The following SP140 variants were observed in gnomAD, a reference collection of about 807,000 sequenced individuals.
SP140 encodes nuclear body protein SP140.
A neutral mutation model predicts 125.0 loss-of-function variants in SP140; 81 were observed. That is an observed-to-expected ratio of 0.65 (90% CI 0.54 to 0.78). SP140 has a LOEUF of 0.78. Ranked by LOEUF, SP140 falls within the 30% of genes least tolerant of loss-of-function variation. The probability of loss-of-function intolerance (pLI) is 0.00; values close to 1 mark genes in which losing one functional copy is unlikely to be tolerated. For synonymous variants in SP140, 312 were observed against 354.0 expected (o/e 0.88, Z 1.33); for missense variants, 858 against 1,037.0 (o/e 0.83, Z 2.37).
intron 18 of SP140, among the ~76,000 whole-genome samples, chr2:230,288,575 A>G (rs1423618076): frequency 6.7e-6 from 1 of 150,148 alleles, no homozygotes; most frequent in Non-Finnish European, 1.5e-5. Flanking sequence ...AGGTTCTACA[A>G]CCCATCATCT....
intron 26 of SP140, among the ~76,000 whole-genome samples, chr2:230,311,933 C>T (rs557317388): frequency 5.9e-5 from 9 of 152,204 alleles, no homozygotes; most frequent in Non-Finnish European, 1.3e-4. Context: ...TTCTTATCTG[C>T]TCCCAATCCC....
upstream of SP140, chr2:230,201,099 C>A: frequency 1.3e-6 from 1 of 751,052 alleles, no homozygotes; most frequent in Non-Finnish European, 2.4e-6. Context: ...AACAATGCAT[C>A]TACCAAGAGA....
At position 230,206,731 on chromosome 2, in the gene SP140, G is replaced by A. The variant is rs146124907; in HGVS notation, c.-323+3452G>A. On this transcript the variant is annotated intron_variant, in intron 1 of 4. Coordinates refer to the SP140 transcript ENST00000456542. The stretch of plus-strand genomic sequence containing the variant: ...TGTTCCTGTAAAAAGCCCTAGTCCC[G>A]GAGACACAGAAATGTATGCAATATA... Among the ~76,000 whole-genome samples the A allele has an allele frequency of 3.2e-3, 483 of 148,844 alleles. 3 individuals carry two copies. The highest frequency in any genetic ancestry group is 0.014 in the Middle Eastern group (4 of 284).
chr2:230,192,616 T>C, the SP140 span, among the ~76,000 whole-genome samples: 2 of 152,006 alleles, frequency 1.3e-5, no homozygotes, highest in Non-Finnish European at 2.9e-5. Flanking sequence ...TACAAACCAC[T>C]CCTCAAGGAA....
At chr2:230,294,176 A>G in intron 20 of SP140, 95 bp from the exon 21 acceptor site, 2 of 945,278 alleles carry the variant, frequency 2.1e-6, no homozygotes, top group Middle Eastern at 2.1e-4. Context: ...GCAGTGGAAC[A>G]CTCAGGTAGA....
chr2:230,286,486 G>A (rs1225584539), intron 17 of SP140, among the ~76,000 whole-genome samples: 1 of 152,192 alleles, frequency 6.6e-6, no homozygotes, highest in South Asian at 2.1e-4. Flanking sequence ...TCAGAGTGTG[G>A]AAGTGTCTTG....
At chr2:230,187,288 A>G in the SP140 span, among the ~76,000 whole-genome samples, 1 of 152,140 alleles carries the variant, frequency 6.6e-6, no homozygotes, top group South Asian at 2.1e-4. Context: ...TTTCTTGGCC[A>G]TTTGAATATC....
chr2:230,229,916 C>T (rs1442367600), intron 1 of SP140, among the ~76,000 whole-genome samples: 1 of 151,272 alleles, frequency 6.6e-6, no homozygotes, highest in African/African-American at 2.4e-5. Context: ...TATCCTTGTT[C>T]TTTCACAGGT....
At chr2:230,255,257 A>G (rs2050978645) in intron 11 of SP140, among the ~76,000 whole-genome samples, 195 bp from the exon 12 acceptor site, 1 of 152,186 alleles carries the variant, frequency 6.6e-6, no homozygotes, top group Non-Finnish European at 1.5e-5. Flanking sequence ...GATGGTTCTC[A>G]GCCTTGGTGG....
intron 3 of SP140, among the ~76,000 whole-genome samples, chr2:230,240,543 T>C (rs1170839180): frequency 6.6e-6 from 1 of 151,914 alleles, no homozygotes; most frequent in Non-Finnish European, 1.5e-5. Context: ...ATATAAAATG[T>C]CCAGCAAGAA....
chr2:230,205,628 A>G (rs1428099151), intron 1 of SP140, among the ~76,000 whole-genome samples: 1 of 152,136 alleles, frequency 6.6e-6, no homozygotes, highest in Non-Finnish European at 1.5e-5. Context: ...AGCTTTCAGA[A>G]TGGGTATATA....
chr2:230,294,119 T>G, intron 20 of SP140, 152 bp from the exon 21 acceptor site: 1 of 644,390 alleles, frequency 1.6e-6, no homozygotes, highest in South Asian at 1.9e-5. Context: ...GAAGCACAGG[T>G]GAAGACAGGG....
chr2:230,286,720 A>G (rs187870818), intron 17 of SP140, among the ~76,000 whole-genome samples: 1 of 152,306 alleles, frequency 6.6e-6, no homozygotes, highest in South Asian at 2.1e-4. Context: ...TTCTAAGGTT[A>G]CATATGTGGC....
chr2:230,296,749 T>A (rs908689048), intron 21 of SP140, among the ~76,000 whole-genome samples: 11 of 152,008 alleles, frequency 7.2e-5, no homozygotes, highest in Admixed American at 2.6e-4. Flanking sequence ...TTATTGAGGC[T>A]CCTCTGGGTG....
At chr2:230,308,677 A>C (rs1171242105) in intron 22 of SP140, among the ~76,000 whole-genome samples, 1 of 152,238 alleles carries the variant, frequency 6.6e-6, no homozygotes, top group Admixed American at 6.5e-5. Context: ...GCTTGTTTGA[A>C]TAATTCCATG....
At chr2:230,212,310 C>T (rs1207720592) in intron 1 of SP140, 2 of 1,489,096 alleles carry the variant, frequency 1.3e-6, no homozygotes, top group Non-Finnish European at 1.9e-6. Flanking sequence ...TTCACAGTCA[C>T]CTTGAGCTAA....
At position 230,312,895 on chromosome 2, in the gene SP140, A is replaced by G. The variant is rs2059432978; in HGVS notation, c.*211A>G. ...CCAAGTATCTCATCAGCCAGGGAAG[A>G]GTAAGTGGGATCACAGGGAAGGATG... is the stretch of plus-strand genomic sequence containing the variant. On this transcript the variant is annotated 3_prime_UTR_variant, in exon 27 of 27. Transcript: ENST00000392045. The G allele has an allele frequency of 2.3e-6, 1 of 444,164 alleles. No homozygotes were observed. Among genetic ancestry groups the G allele is most frequent in the East Asian group, 5.0e-5 (1 of 20,144 alleles). 27.5% of individuals were successfully genotyped at this position (444,164 alleles called of 1,614,324 possible).
At chr2:230,245,788 TA>T in intron 6 of SP140, 74 bp from the exon 7 acceptor site, 1 of 941,882 alleles carries the variant, frequency 1.1e-6, no homozygotes, top group East Asian at 2.4e-5. Flanking sequence ...ACCCGAATAT[TA>T]GAGCTCAGCA....
upstream of SP140, among the ~76,000 whole-genome samples, chr2:230,199,920 C>A (rs67469122): frequency 6.6e-6 from 1 of 152,028 alleles, no homozygotes; most frequent in Non-Finnish European, 1.5e-5. Context: ...AGGTTGTTAA[C>A]CCGGTGGCAG....
Sources: gnomAD v4.1 joint callset for allele counts (sites outside exome capture counted in the v4.1 genomes callset) on GRCh38, gnomAD v4.1.1 for gene constraint, MANE v1.5 for transcripts, NCBI Gene and HGNC (gene_info 2026-07-23, HGNC 2026-07-21) for gene names.